Variants in GBE1 observed in about 807,000 individuals in gnomAD.
GBE1 encodes the protein 1,4-alpha-glucan-branching enzyme.
In GBE1, 70 loss-of-function variants were observed where a neutral mutation model predicts 88.8. The ratio of observed to expected loss-of-function variants is 0.79; its 90% CI spans 0.65 to 0.96. The LOEUF is 0.96. Ranked by LOEUF, GBE1 falls within the 40% of genes least tolerant of loss-of-function variation. The pLI is 0.00. For missense variants in GBE1, 872 were observed against 871.0 expected (o/e 1.00, Z -0.01); for synonymous variants, 284 against 300.1 (o/e 0.95, Z 0.56).
intron 7 of GBE1, among the ~76,000 whole-genome samples, chr3:81,602,062 ACT>A (rs1277164572): frequency 1.3e-5 from 2 of 152,174 alleles, no homozygotes; most frequent in African/African-American, 4.8e-5. Context: ...GGAGTATGAG[ACT>A]GTATTGAGAG....
intron 12 of GBE1, among the ~76,000 whole-genome samples, chr3:81,559,950 T>C (rs2106907894): frequency 6.6e-6 from 1 of 152,040 alleles, no homozygotes; most frequent in Non-Finnish European, 1.5e-5. Context: ...TATAGTACAG[T>C]CCATACACAA....
intron 1 of GBE1, among the ~76,000 whole-genome samples, chr3:81,730,179 T>C (rs1575768956): frequency 6.6e-6 from 1 of 152,144 alleles, no homozygotes; most frequent in African/African-American, 2.4e-5. Flanking sequence ...GGTATTACTA[T>C]GTGCTCCATC....
chr3:81,759,996 T>C (rs938277363), intron 1 of GBE1, among the ~76,000 whole-genome samples: 1 of 152,192 alleles, frequency 6.6e-6, no homozygotes, highest in Non-Finnish European at 1.5e-5. Flanking sequence ...CTTTAATCAC[T>C]ATCTTTTGTT....
At chr3:81,665,883 T>C (rs975376603) in intron 3 of GBE1, among the ~76,000 whole-genome samples, 4 of 152,204 alleles carry the variant, frequency 2.6e-5, no homozygotes, top group Admixed American at 2.0e-4. Context: ...CTGATTTTAA[T>C]ACCTCAAGAA....
intron 4 of GBE1, among the ~76,000 whole-genome samples, chr3:81,649,478 C>T (rs1254272349): frequency 1.3e-5 from 2 of 151,410 alleles, no homozygotes; most frequent in African/African-American, 2.4e-5. Context: ...AAATACTGCA[C>T]TAAAGAGTCT....
At chr3:81,650,183 A>G in intron 3 of GBE1, 1 of 292,330 alleles carries the variant, frequency 3.4e-6, no homozygotes, top group Non-Finnish European at 6.4e-6. Flanking sequence ...ACCAGCCATA[A>G]GAGTGCTTAC....
intron 2 of GBE1, among the ~76,000 whole-genome samples, chr3:81,690,016 G>A (rs1158723511): frequency 1.3e-5 from 2 of 152,100 alleles, no homozygotes; most frequent in Non-Finnish European, 2.9e-5. Context: ...GTGTGACAAG[G>A]CCCTGTATTT....
intron 7 of GBE1, among the ~76,000 whole-genome samples, chr3:81,629,377 C>T (rs1244537531): frequency 6.6e-6 from 1 of 151,724 alleles, no homozygotes; most frequent in Non-Finnish European, 1.5e-5. Flanking sequence ...TTTATGGCTG[C>T]ATAGTATTCC....
intron 12 of GBE1, among the ~76,000 whole-genome samples, chr3:81,556,537 C>T (rs1703351112): frequency 6.6e-6 from 1 of 151,998 alleles, no homozygotes; most frequent in African/African-American, 2.4e-5. Flanking sequence ...GATGTCAAGA[C>T]TCATGAATAT....
At chr3:81,690,631 A>C (rs887507024) in intron 2 of GBE1, among the ~76,000 whole-genome samples, 1 of 152,250 alleles carries the variant, frequency 6.6e-6, no homozygotes, top group Non-Finnish European at 1.5e-5. Context: ...AACAGAATGA[A>C]TAACTCCAAG....
intron 12 of GBE1, among the ~76,000 whole-genome samples, chr3:81,561,904 C>T (rs553259460): frequency 1.3e-4 from 20 of 152,120 alleles, no homozygotes; most frequent in East Asian, 9.7e-4. Flanking sequence ...GGAGGTGAAA[C>T]GGATACTTTA....
chr3:81,749,750 ACT>A (rs1706469496), intron 1 of GBE1, among the ~76,000 whole-genome samples: 1 of 152,018 alleles, frequency 6.6e-6, no homozygotes, highest in African/African-American at 2.4e-5. Flanking sequence ...CCTTCTCTAA[ACT>A]CTGTTTGCAA....
At chr3:81,545,457 A>C (rs1703194074) in intron 12 of GBE1, among the ~76,000 whole-genome samples, 1 of 152,188 alleles carries the variant, frequency 6.6e-6, no homozygotes, top group Non-Finnish European at 1.5e-5. Flanking sequence ...TATAGTGATC[A>C]GATCCAGAAG....
intron 2 of GBE1, among the ~76,000 whole-genome samples, chr3:81,682,931 A>G (rs1183773034): frequency 6.6e-6 from 1 of 152,260 alleles, no homozygotes; most frequent in Non-Finnish European, 1.5e-5. Context: ...GGAATGAAGT[A>G]CTAATACACA....
chr3:81,575,681 T>C (rs1188544120), intron 12 of GBE1, among the ~76,000 whole-genome samples: 8 of 152,196 alleles, frequency 5.3e-5, no homozygotes, highest in Non-Finnish European at 7.4e-5. Context: ...TGTTTCTTAG[T>C]TTTGAAAAAA....
intron 12 of GBE1, among the ~76,000 whole-genome samples, chr3:81,572,234 T>C (rs762706799): frequency 6.6e-6 from 1 of 152,182 alleles, no homozygotes; most frequent in Non-Finnish European, 1.5e-5. Context: ...TATGCTTAAC[T>C]GTAACTCAAT....
intron 12 of GBE1, among the ~76,000 whole-genome samples, chr3:81,547,180 T>C (rs969894960): frequency 4.0e-5 from 6 of 151,288 alleles, no homozygotes; most frequent in Admixed American, 2.0e-4. Context: ...AGGCAGAGTC[T>C]CTCCTAAGAC....
At chr3:81,612,739 T>G in intron 7 of GBE1, 1 of 458,280 alleles carries the variant, frequency 2.2e-6, no homozygotes, top group Non-Finnish European at 4.3e-6. Flanking sequence ...TGTCCCTTTT[T>G]AGGCAAGCCT....
chr3:81,743,605 A>G (rs1405558333), intron 1 of GBE1: 1 of 1,535,150 alleles, frequency 6.5e-7, no homozygotes, highest in East Asian at 2.4e-5. Context: ...ACAGCTGTTA[A>G]TCTGGGCCGA....
Sources: allele counts gnomAD v4.1 joint callset (sites outside exome capture counted in the v4.1 genomes callset), GRCh38; gene constraint gnomAD v4.1.1; transcripts MANE v1.5; gene names NCBI Gene and HGNC (gene_info 2026-07-23, HGNC 2026-07-21).